The following HDAC9 variants were observed in gnomAD, a reference collection of about 807,000 sequenced individuals.
HDAC9 encodes the protein histone deacetylase 9.
Under a neutral mutation model 139.4 loss-of-function variants are expected in HDAC9, and 41 were observed. The ratio of observed to expected loss-of-function variants is 0.29; its 90% confidence interval spans 0.23 to 0.38. HDAC9 has a LOEUF of 0.38. Among genes scored for constraint, HDAC9 ranks in the 10% least tolerant of loss-of-function variants. The pLI is 1.00. For synonymous variants in HDAC9, 517 were observed against 476.2 expected, an observed-to-expected ratio of 1.09 and a Z score of -1.12; for missense variants, 1,147 against 1,297.0, an observed-to-expected ratio of 0.88 and a Z score of 1.78.
chr7:18,993,956 A>C (rs1195383956), intron 25 of HDAC9, among the ~76,000 whole-genome samples: 10 of 152,218 alleles, frequency 6.6e-5, no homozygotes, highest in African/African-American at 2.4e-4. Context: ...AAGGCAGAGA[A>C]GCATCTGATG....
At chr7:18,835,009 T>C (rs1796131346) in intron 19 of HDAC9, among the ~76,000 whole-genome samples, 1 of 152,180 alleles carries the variant, frequency 6.6e-6, no homozygotes, top group African/African-American at 2.4e-5. Flanking sequence ...TTAGTCTTTT[T>C]TCAGAGGCCA....
At chr7:18,708,419 CAT>C (rs1340811313) in intron 12 of HDAC9, among the ~76,000 whole-genome samples, 1 of 152,170 alleles carries the variant, frequency 6.6e-6, no homozygotes, top group Non-Finnish European at 1.5e-5. Flanking sequence ...CTAACTGTCA[CAT>C]GTTTAAAAAT....
chr7:18,818,091 A>C (rs1042596450), intron 17 of HDAC9, among the ~76,000 whole-genome samples: 1 of 152,238 alleles, frequency 6.6e-6, no homozygotes, highest in African/African-American at 2.4e-5. Context: ...ATGTATTGGA[A>C]GTAGTAATTC....
intron 6 of HDAC9, among the ~76,000 whole-genome samples, chr7:18,612,088 T>C (rs1376114787): frequency 6.6e-6 from 1 of 152,096 alleles, no homozygotes; most frequent in African/African-American, 2.4e-5. Flanking sequence ...AATTTGCTAA[T>C]CCTATAAAGG....
intron 25 of HDAC9, among the ~76,000 whole-genome samples, chr7:18,995,747 G>T (rs2129354545): frequency 6.6e-6 from 1 of 152,148 alleles, no homozygotes; most frequent in African/African-American, 2.4e-5. Flanking sequence ...AACTGTACTA[G>T]ACACCAAACA....
rs577189779 is a variant in HDAC9, at chr7:18,157,669, A to T, written c.-96-4560A>T. On this transcript the variant is annotated intron_variant, in intron 1 of 12. Transcript: ENST00000417496. ...AAACAGAGAAATGAAATAGAATCTA[A>T]GGTTTCCATATTGGGTAACAGTGTG... Among the ~76,000 whole-genome samples, 100 of 152,316 alleles carry T rather than the reference A, an allele frequency of 6.6e-4. 1 individual carries two copies. The highest frequency in any genetic ancestry group is 2.4e-3 in the African/African-American group (99 of 41,562).
chr7:18,620,751 G>A (rs1440970544), intron 6 of HDAC9, among the ~76,000 whole-genome samples: 1 of 152,004 alleles, frequency 6.6e-6, no homozygotes, highest in Non-Finnish European at 1.5e-5. Flanking sequence ...CCATGCTCCT[G>A]TTACTTACGG....
At chr7:18,267,369 A>G (rs1247168329) in intron 2 of HDAC9, among the ~76,000 whole-genome samples, 1 of 152,076 alleles carries the variant, frequency 6.6e-6, no homozygotes, top group Non-Finnish European at 1.5e-5. Context: ...AGTCACCATG[A>G]CGTACAATAG....
chr7:18,524,474 T>A (rs1806148585), intron 2 of HDAC9, among the ~76,000 whole-genome samples: 1 of 152,120 alleles, frequency 6.6e-6, no homozygotes, highest in Non-Finnish European at 1.5e-5. Flanking sequence ...CTATTATTAG[T>A]AGTTTGTCCA....
At chr7:18,232,211 C>G (rs748177493) in intron 2 of HDAC9, among the ~76,000 whole-genome samples, 1 of 152,110 alleles carries the variant, frequency 6.6e-6, no homozygotes, top group African/African-American at 2.4e-5. Flanking sequence ...GCTGCCTTCC[C>G]TCAATATGTG....
intron 1 of HDAC9, among the ~76,000 whole-genome samples, chr7:18,374,923 G>T (rs977474703): frequency 2.0e-5 from 3 of 152,024 alleles, no homozygotes; most frequent in Non-Finnish European, 4.4e-5. Flanking sequence ...CATTCCTCAC[G>T]TGTTTTTTGG....
intron 17 of HDAC9, among the ~76,000 whole-genome samples, chr7:18,816,019 T>C (rs1389233853): frequency 1.3e-5 from 2 of 152,224 alleles, no homozygotes; most frequent in African/African-American, 4.8e-5. Context: ...TATGTTAGCA[T>C]ATTCGGAAAT....
At position 18,998,902 on chromosome 7, in the gene HDAC9, A is replaced by C. The variant is rs1024203655; in HGVS notation, c.*2840A>C. 6 of 152,198 alleles carry C rather than the reference A, an allele frequency of 3.9e-5. No individual in the cohort carries two copies. Among genetic ancestry groups the C allele is most frequent in the African/African-American group, 1.4e-4 (6 of 41,454 alleles). 9.4% of individuals were successfully genotyped at this position (152,198 alleles called of 1,614,324 possible). The stretch of plus-strand genomic sequence containing the variant: ...AACGTAGGTATAAAAAGAAGGCTTA[A>C]AAATTAATTTTCCCAATTGTATAAT... On this transcript the variant is annotated 3_prime_UTR_variant, in exon 26 of 26. Coordinates refer to ENST00000686413, the MANE Select transcript of HDAC9 (RefSeq NM_178425.4).
chr7:18,338,698 A>C (rs1212684956), intron 1 of HDAC9, among the ~76,000 whole-genome samples: 1 of 151,472 alleles, frequency 6.6e-6, no homozygotes, highest in Non-Finnish European at 1.5e-5. Flanking sequence ...TATTCTATTT[A>C]AATAACATTG....
chr7:18,542,267 A>G (rs1327443395), intron 2 of HDAC9, among the ~76,000 whole-genome samples: 1 of 152,192 alleles, frequency 6.6e-6, no homozygotes, highest in Non-Finnish European at 1.5e-5. Context: ...ATCTGAAGCA[A>G]ACTCTGCCTC....
intron 2 of HDAC9, among the ~76,000 whole-genome samples, chr7:18,270,821 C>A (rs570206189): frequency 6.6e-6 from 1 of 151,946 alleles, no homozygotes; most frequent in Non-Finnish European, 1.5e-5. Flanking sequence ...GAAAACCAGC[C>A]AAGTCTGAGT....
chr7:18,216,929 A>T (rs1383959736), intron 2 of HDAC9, among the ~76,000 whole-genome samples: 2 of 152,214 alleles, frequency 1.3e-5, no homozygotes, highest in Non-Finnish European at 2.9e-5. Flanking sequence ...AGGACAGTAA[A>T]GTATCTTGAG....
intron 1 of HDAC9, among the ~76,000 whole-genome samples, chr7:18,457,744 G>A (rs571718860): frequency 1.3e-5 from 2 of 152,056 alleles, no homozygotes; most frequent in Admixed American, 1.3e-4. Context: ...GCTTCATTTT[G>A]TTGATTAGTC....
At chr7:18,873,330 T>A (rs1799074260) in intron 21 of HDAC9, among the ~76,000 whole-genome samples, 1 of 152,166 alleles carries the variant, frequency 6.6e-6, no homozygotes, top group South Asian at 2.1e-4. Flanking sequence ...GTCACTTACA[T>A]GTGTATTTAT....
Sources: allele counts gnomAD v4.1 joint callset (sites outside exome capture counted in the v4.1 genomes callset), GRCh38; gene constraint gnomAD v4.1.1; transcripts MANE v1.5; gene names NCBI Gene and HGNC (gene_info 2026-07-23, HGNC 2026-07-21).